ZNF280D: variants seen among roughly 807,000 people sequenced by gnomAD.
The protein encoded by ZNF280D is zinc finger protein 280D.
ZNF280D carries 39 observed loss-of-function variants against 94.7 expected under a neutral mutation model. The ratio of observed to expected loss-of-function variants is 0.41; its 90% confidence interval spans 0.32 to 0.54. The LOEUF (loss-of-function observed/expected upper bound fraction) is 0.54, where lower values mean the gene tolerates loss of function less well. Ranked by LOEUF, ZNF280D falls within the 20% of genes least tolerant of loss-of-function variation. The probability of loss-of-function intolerance (pLI) is 0.22; values close to 1 mark genes in which losing one functional copy is unlikely to be tolerated. For synonymous variants in ZNF280D, 398 were observed against 377.6 expected (o/e 1.05, Z -0.63); for missense variants, 1,090 against 1,149.3 (o/e 0.95, Z 0.75).
intron 1 of ZNF280D, among the ~76,000 whole-genome samples, chr15:56,727,794 T>C (rs1436101072): frequency 3.9e-5 from 6 of 152,218 alleles, no homozygotes; most frequent in Admixed American, 3.9e-4. Context: ...AATGACTTTA[T>C]AAGGGAAATC....
Position 56,642,880 on chromosome 15 carries a change from A to C in ZNF280D, c.2259+72T>G, listed in dbSNP as rs1596332405. On this transcript the variant is annotated intron_variant, in intron 20 of 21. Transcript: ENST00000267807. The stretch of plus-strand genomic sequence containing the variant: ...GATGTATGCATGCTGAAATTGAAAA[A>C]AAATTTTATATCATACCAATAATAC... 5.9e-6 allele frequency: 7 copies of C among 1,191,878 alleles called. No homozygotes were observed. The East Asian group carries it at 2.1e-4, about 36-fold the overall frequency. The allele number at this position is 1,191,878 out of a possible 1,614,324, so 73.8% of individuals were successfully genotyped here.
chr15:56,643,294 A>G (rs1334866949), intron 19 of ZNF280D: 6 of 211,298 alleles, frequency 2.8e-5, no homozygotes, highest in Non-Finnish European at 9.3e-6. Flanking sequence ...AAAATAAAAG[A>G]CATACACATT....
chr15:56,679,128 G>C lies in ZNF280D; in HGVS notation c.1005-307C>G, dbSNP rs181065501. 1.7e-3 allele frequency among the ~76,000 whole-genome samples: 255 copies of C among 151,958 alleles called. 1 individual carries two copies. The highest frequency in any genetic ancestry group is 5.8e-3 in the African/African-American group (241 of 41,472). ...AAAATTTTTTTAGATAAAAGAACAG[G>C]CTTCTGATCCATACTTGAAATCCTA... On this transcript the variant is annotated intron_variant, in intron 10 of 21. Transcript: ENST00000267807.
intron 14 of ZNF280D, 63 bp from the exon 15 acceptor site, chr15:56,667,049 A>G (rs2054340100): frequency 8.1e-7 from 1 of 1,240,568 alleles, no homozygotes; most frequent in Non-Finnish European, 1.1e-6. Flanking sequence ...TTAAAATATC[A>G]TGGTACAAAA....
rs552081579 is a variant in ZNF280D at position 56,637,768 on chromosome 15, G to GCACCAAACC, written c.2260-2519_2260-2518insGGTTTGGTG. On this transcript the variant is annotated intron_variant, in intron 20 of 21. Transcript: ENST00000267807. ...CAAATTAATATAAATCAAGGCAGTA[G>GCACCAAACC]CAACCTGTACTAGTAGTCATTGTAT... Among the ~76,000 whole-genome samples, 47 of 151,956 alleles carry GCACCAAACC rather than the reference G, an allele frequency of 3.1e-4. No individual in the cohort carries two copies. In the South Asian group the frequency reaches 7.9e-3, roughly 26 times the overall value.
intron 12 of ZNF280D, 95 bp from the exon 13 acceptor site, chr15:56,676,911 T>A: frequency 1.1e-6 from 1 of 931,626 alleles, no homozygotes; most frequent in Non-Finnish European, 1.6e-6. Flanking sequence ...AGGAGAACAT[T>A]ATGTACTACT....
intron 16 of ZNF280D, among the ~76,000 whole-genome samples, chr15:56,664,327 G>A (rs1469681943): frequency 3.9e-5 from 6 of 152,088 alleles, no homozygotes; most frequent in South Asian, 2.1e-4. Context: ...AGGAAAACAG[G>A]CAGTTGGGAC....
chr15:56,673,032 G>C (rs1234532239), intron 13 of ZNF280D, among the ~76,000 whole-genome samples: 1 of 151,558 alleles, frequency 6.6e-6, no homozygotes, highest in Non-Finnish European at 1.5e-5. Context: ...AGGAAGAAGA[G>C]AAAAACCAAA....
chr15:56,732,232 C>G (rs1360649414), intron 1 of ZNF280D, among the ~76,000 whole-genome samples: 2 of 152,122 alleles, frequency 1.3e-5, no homozygotes, highest in Non-Finnish European at 2.9e-5. Context: ...GCTCTGTTTC[C>G]TCGCCTGCAA....
chr15:56,648,667 A>G (rs2053036470), intron 19 of ZNF280D, among the ~76,000 whole-genome samples: 1 of 152,184 alleles, frequency 6.6e-6, no homozygotes, highest in African/African-American at 2.4e-5. Context: ...TCAGACAGTA[A>G]CAGCTCATAT....
chr15:56,664,871 A>T (rs2054183530), intron 16 of ZNF280D, among the ~76,000 whole-genome samples: 1 of 152,194 alleles, frequency 6.6e-6, no homozygotes, highest in African/African-American at 2.4e-5. Context: ...ATTCTAGGAC[A>T]AAAAGCCACA....
chr15:56,690,696 A>G (rs1347831343), intron 7 of ZNF280D, among the ~76,000 whole-genome samples: 2 of 152,210 alleles, frequency 1.3e-5, no homozygotes, highest in African/African-American at 4.8e-5. Flanking sequence ...GGCTATAAAA[A>G]GGCTCGGAAA....
At chr15:56,664,144 G>A (rs2054136486) in intron 16 of ZNF280D, among the ~76,000 whole-genome samples, 1 of 152,112 alleles carries the variant, frequency 6.6e-6, no homozygotes, top group Admixed American at 6.5e-5. Flanking sequence ...AGAGGAGTAA[G>A]AATGAAAAAT....
rs567066142 is a variant in ZNF280D, at chr15:56,669,822, C to G, written c.1411-865G>C. Among the ~76,000 whole-genome samples, 11 of 98,226 alleles carry G rather than the reference C, an allele frequency of 1.1e-4. No individual in the cohort carries two copies. The South Asian group carries it at 3.7e-3, about 33-fold the overall frequency. The allele number at this position is 98,226 out of a possible 152,430, so 64.4% of individuals were successfully genotyped here. ...CCCTGATCCAGTGTTCTTTCTACTA[C>G]AGATTATCAACTGCAATTTTTACCC... On this transcript the variant is annotated intron_variant, in intron 13 of 21. Coordinates refer to ENST00000267807, the MANE Select transcript of ZNF280D (RefSeq NM_017661.4).
chr15:56,663,523 A>C (rs2054095429), intron 16 of ZNF280D, among the ~76,000 whole-genome samples: 1 of 152,102 alleles, frequency 6.6e-6, no homozygotes, highest in Non-Finnish European at 1.5e-5. Flanking sequence ...ACTGCAGAGA[A>C]GAGTTCGCCA....
chr15:56,714,089 T>G (rs1332760479), intron 1 of ZNF280D, among the ~76,000 whole-genome samples: 1 of 152,332 alleles, frequency 6.6e-6, no homozygotes, highest in East Asian at 1.9e-4. Flanking sequence ...TTCAAATCAA[T>G]ACTTCCTTTT....
At chr15:56,677,161 G>C (rs1286287401) in intron 12 of ZNF280D, among the ~76,000 whole-genome samples, 1 of 152,168 alleles carries the variant, frequency 6.6e-6, no homozygotes. Flanking sequence ...TTCTCCTTTA[G>C]ATTGTTAATG....
At chr15:56,669,907 ATATATAT>A (rs1412240794) in intron 13 of ZNF280D, among the ~76,000 whole-genome samples, 2 of 6,264 alleles carry the variant, frequency 3.2e-4, no homozygotes, top group African/African-American at 8.5e-4. Context: ...TATATAATAT[ATATATAT>A]TATATATATA....
chr15:56,651,795 C>T (rs1307546374), intron 19 of ZNF280D, among the ~76,000 whole-genome samples: 6 of 151,404 alleles, frequency 4.0e-5, no homozygotes, highest in Non-Finnish European at 7.4e-5. Context: ...TGTTTTTCCC[C>T]CCAAATATTT....
Sources: allele counts gnomAD v4.1 joint callset (sites outside exome capture counted in the v4.1 genomes callset), GRCh38; gene constraint gnomAD v4.1.1; transcripts MANE v1.5; gene names NCBI Gene and HGNC (gene_info 2026-07-23, HGNC 2026-07-21).